LCOR: variants seen among roughly 807,000 people sequenced by gnomAD.
LCOR encodes the protein ligand dependent nuclear receptor corepressor, also known as ligand-dependent corepressor.
A neutral mutation model predicts 64.4 loss-of-function variants in LCOR; 14 were observed. That is an observed-to-expected ratio of 0.22 (90% confidence interval 0.14 to 0.34). LCOR has a LOEUF of 0.34. LCOR is among the 10% of genes least tolerant of loss of function. The probability of loss-of-function intolerance (pLI) is 1.00; values close to 1 mark genes in which losing one functional copy is unlikely to be tolerated. For missense variants in LCOR, 1,686 were observed against 1,765.3 expected (o/e 0.96, Z 0.80); for synonymous variants, 643 against 642.5 (o/e 1.00, Z -0.01).
chr10:96,920,679 C>A (rs1443070923), intron 4 of LCOR, among the ~76,000 whole-genome samples: 1 of 116,070 alleles, frequency 8.6e-6, no homozygotes, highest in Admixed American at 8.4e-5. Flanking sequence ...TGTATATATT[C>A]ATATATGTGT....
chr10:96,969,774 C>CTTTTT (rs58881683), intron 7 of LCOR, among the ~76,000 whole-genome samples: 134 of 124,108 alleles, frequency 1.1e-3, no homozygotes, highest in Non-Finnish European at 1.5e-3. Context: ...TTTTTTTTTT[C>CTTTTT]TTTTTTTTTT....
chr10:96,836,392 C>T (rs931044125), intron 2 of LCOR, among the ~76,000 whole-genome samples: 3 of 152,066 alleles, frequency 2.0e-5, no homozygotes, highest in African/African-American at 7.2e-5. Flanking sequence ...TAGAACTTGC[C>T]ACTTCAGAGT....
intron 2 of LCOR, among the ~76,000 whole-genome samples, chr10:96,877,297 A>G (rs1009969700): frequency 2.0e-5 from 3 of 152,088 alleles, no homozygotes; most frequent in African/African-American, 7.2e-5. Context: ...GCAGAGGTGG[A>G]CAAATTGCTT....
intron 2 of LCOR, among the ~76,000 whole-genome samples, chr10:96,854,510 A>G (rs1225380193): frequency 6.6e-6 from 1 of 152,116 alleles, no homozygotes; most frequent in Non-Finnish European, 1.5e-5. Context: ...TATTTTTAGT[A>G]GAGATGGGGT....
intron 4 of LCOR, among the ~76,000 whole-genome samples, chr10:96,920,730 A>ATATATGTG (rs1554837284): frequency 9.0e-6 from 1 of 111,452 alleles, no homozygotes; most frequent in African/African-American, 4.4e-5. Context: ...ATATATGTTC[A>ATATATGTG]TATATATGTG....
chr10:96,893,714 G>T (rs1248565209), intron 2 of LCOR, among the ~76,000 whole-genome samples: 1 of 149,240 alleles, frequency 6.7e-6, no homozygotes, highest in Non-Finnish European at 1.5e-5. Flanking sequence ...AGTAAGCCAA[G>T]ATCGCGCCAC....
intron 2 of LCOR, among the ~76,000 whole-genome samples, chr10:96,848,615 G>A (rs1329955825): frequency 2.0e-5 from 3 of 152,096 alleles, no homozygotes; most frequent in Non-Finnish European, 2.9e-5. Context: ...CTGAGATCGC[G>A]CCATTGCACT....
intron 4 of LCOR, among the ~76,000 whole-genome samples, chr10:96,934,369 TTTA>T (rs1847312387): frequency 6.6e-6 from 1 of 152,184 alleles, no homozygotes; most frequent in South Asian, 2.1e-4. Flanking sequence ...TTTTCAGTTG[TTTA>T]TTAAGGAGAG....
intron 4 of LCOR, among the ~76,000 whole-genome samples, chr10:96,927,290 A>G (rs190792154): frequency 3.3e-5 from 5 of 152,158 alleles, no homozygotes; most frequent in East Asian, 1.9e-4. Context: ...CTGTCCATCT[A>G]TATATTTTAT....
chr10:96,925,022 A>G (rs376245326), intron 4 of LCOR, among the ~76,000 whole-genome samples: 30 of 152,086 alleles, frequency 2.0e-4, no homozygotes, highest in African/African-American at 6.5e-4. Flanking sequence ...TTAGTCTAGA[A>G]TGGTTCCTCA....
chr10:96,901,506 C>T (rs899851399), intron 2 of LCOR, among the ~76,000 whole-genome samples: 2 of 152,152 alleles, frequency 1.3e-5, no homozygotes, highest in Non-Finnish European at 2.9e-5. Flanking sequence ...CCTCCAACCC[C>T]CTAGTGCTGC....
At chr10:96,882,051 A>T (rs1846271403) in intron 2 of LCOR, among the ~76,000 whole-genome samples, 1 of 151,998 alleles carries the variant, frequency 6.6e-6, no homozygotes, top group Admixed American at 6.6e-5. Context: ...TGGTCTCAGG[A>T]CCTCTTAAAA....
At chr10:96,834,888 T>C (rs1397094915) in intron 2 of LCOR, among the ~76,000 whole-genome samples, 5 of 152,098 alleles carry the variant, frequency 3.3e-5, no homozygotes, top group Admixed American at 3.3e-4. Flanking sequence ...TGTGTTTTTG[T>C]TTTTGTTTTT....
intron 2 of LCOR, among the ~76,000 whole-genome samples, chr10:96,842,449 G>A (rs1345922397): frequency 6.6e-6 from 1 of 151,972 alleles, no homozygotes; most frequent in African/African-American, 2.4e-5. Context: ...TCTATAGAAT[G>A]TATCCTACTT....
At chr10:96,913,821 G>A (rs1846888806) in intron 4 of LCOR, among the ~76,000 whole-genome samples, 1 of 152,082 alleles carries the variant, frequency 6.6e-6, no homozygotes, top group South Asian at 2.1e-4. Context: ...CTACTTGAGA[G>A]GCACGAGAAT....
chr10:96,873,968 C>T (rs895437698), intron 2 of LCOR, among the ~76,000 whole-genome samples: 3 of 152,058 alleles, frequency 2.0e-5, no homozygotes, highest in East Asian at 1.9e-4. Flanking sequence ...CATGAGTTTT[C>T]GCCAAGCTCT....
chr10:96,865,970 A>C (rs1401375636), intron 2 of LCOR, among the ~76,000 whole-genome samples: 1 of 152,104 alleles, frequency 6.6e-6, no homozygotes, highest in Non-Finnish European at 1.5e-5. Context: ...TTACTGCCAC[A>C]GTAACTGATT....
In LCOR at chr10:96,889,747, A is replaced by G. The variant is rs143232697; in HGVS notation, c.-329-17518A>G. 2.8e-3 allele frequency among the ~76,000 whole-genome samples: 433 copies of G among 152,302 alleles called. 3 individuals are homozygous for G. Among genetic ancestry groups the G allele is most frequent in the African/African-American group, 9.9e-3 (413 of 41,562 alleles). On this transcript the variant is annotated intron_variant, in intron 2 of 7. Transcript: ENST00000421806. Reference sequence around the variant, plus strand: ...CTTAACAGTTCTTTTTTATGGTTGAATAATATTCCATTGGATGGCTGTACT... The same window carrying G: ...CTTAACAGTTCTTTTTTATGGTTGAGTAATATTCCATTGGATGGCTGTACT...
chr10:96,939,836 G>C (rs1018358126), intron 4 of LCOR, among the ~76,000 whole-genome samples: 7 of 152,274 alleles, frequency 4.6e-5, no homozygotes, highest in Non-Finnish European at 1.0e-4. Flanking sequence ...GATGGCACGC[G>C]CCTGTAGTCT....
Sources: allele counts gnomAD v4.1 joint callset (sites outside exome capture counted in the v4.1 genomes callset), GRCh38; gene constraint gnomAD v4.1.1; transcripts MANE v1.5; gene names NCBI Gene and HGNC (gene_info 2026-07-23, HGNC 2026-07-21).